The following CDH12 variants were observed in gnomAD, a reference collection of about 807,000 sequenced individuals.
The protein encoded by CDH12 is cadherin-12.
CDH12 carries 41 observed loss-of-function variants against 74.1 expected under a neutral mutation model. The ratio of observed to expected loss-of-function variants is 0.55; its 90% CI spans 0.43 to 0.72. CDH12 has a LOEUF of 0.72. Ranked by LOEUF, CDH12 falls within the 30% of genes least tolerant of loss-of-function variation. The pLI, the probability that CDH12 is intolerant of heterozygous loss-of-function variation, is 0.00. For synonymous variants in CDH12, 399 were observed against 355.0 expected (o/e 1.12, Z -1.39); for missense variants, 945 against 977.2 (o/e 0.97, Z 0.44).
At chr5:22,436,881 C>T (rs905230363) in intron 2 of CDH12, among the ~76,000 whole-genome samples, 1 of 151,938 alleles carries the variant, frequency 6.6e-6, no homozygotes, top group East Asian at 1.9e-4. Context: ...GAACAAAGAA[C>T]GTTGTTTCCT....
At chr5:22,690,991 A>G (rs1340993355) in intron 1 of CDH12, among the ~76,000 whole-genome samples, 2 of 152,134 alleles carry the variant, frequency 1.3e-5, no homozygotes, top group Admixed American at 6.5e-5. Context: ...CCATGCAATG[A>G]GTTTTATTTC....
intron 1 of CDH12, among the ~76,000 whole-genome samples, chr5:22,810,537 T>C (rs1749087085): frequency 6.6e-6 from 1 of 152,164 alleles, no homozygotes; most frequent in African/African-American, 2.4e-5. Context: ...GAGTTATTCT[T>C]AGCAGCATTT....
At chr5:22,328,075 C>A in intron 3 of CDH12, among the ~76,000 whole-genome samples, 1 of 152,122 alleles carries the variant, frequency 6.6e-6, no homozygotes, top group East Asian at 1.9e-4. Flanking sequence ...AAGGATTAGG[C>A]AGAAAAAAGA....
At chr5:22,526,511 C>A (rs1451492729) in intron 1 of CDH12, among the ~76,000 whole-genome samples, 1 of 152,120 alleles carries the variant, frequency 6.6e-6, no homozygotes, top group African/African-American at 2.4e-5. Context: ...AAGCCATTTG[C>A]CAGATCAATA....
At chr5:22,685,744 C>A (rs1741757817) in intron 1 of CDH12, among the ~76,000 whole-genome samples, 1 of 152,080 alleles carries the variant, frequency 6.6e-6, no homozygotes, top group African/African-American at 2.4e-5. Flanking sequence ...TTTTTTATTG[C>A]CAAATAACAT....
chr5:22,779,990 A>G (rs1049947014), intron 1 of CDH12, among the ~76,000 whole-genome samples: 1 of 152,224 alleles, frequency 6.6e-6, no homozygotes, highest in Non-Finnish European at 1.5e-5. Context: ...GTATAAGTTC[A>G]TCTTCTTTAT....
At position 21,917,676 on chromosome 5, in the gene CDH12, C is replaced by T. The variant is rs536513659; in HGVS notation, c.526+57415G>A. On this transcript the variant is annotated intron_variant, in intron 6 of 14. Coordinates refer to ENST00000382254, the MANE Select transcript of CDH12 (RefSeq NM_004061.5). ...AGAATAGGTAAAATAGAGTGCTGAA[C>T]GTCCTTTCAATGAAACGCTGAAGCA... is the stretch of plus-strand genomic sequence containing the variant. 3.3e-5 allele frequency among the ~76,000 whole-genome samples: 5 copies of T among 152,208 alleles called. No individual in the cohort carries two copies. The South Asian group carries it at 1.0e-3, about 32-fold the overall frequency.
intron 5 of CDH12, among the ~76,000 whole-genome samples, chr5:21,992,052 T>G (rs1457865020): frequency 6.6e-6 from 1 of 152,032 alleles, no homozygotes; most frequent in African/African-American, 2.4e-5. Flanking sequence ...TTACATCTTG[T>G]TTCTAAATAC....
At chr5:22,144,751 G>C (rs3020552) in intron 4 of CDH12, among the ~76,000 whole-genome samples, 1 of 151,740 alleles carries the variant, frequency 6.6e-6, no homozygotes, top group Non-Finnish European at 1.5e-5. Context: ...TTTTGAGCTT[G>C]TTACAAATTA....
intron 1 of CDH12, among the ~76,000 whole-genome samples, chr5:22,537,067 T>A (rs537374337): frequency 6.6e-6 from 1 of 152,224 alleles, no homozygotes; most frequent in Admixed American, 6.5e-5. Flanking sequence ...CCTTTTATTA[T>A]GACCTTGAGA....
At chr5:22,620,893 C>T (rs962207619) in intron 1 of CDH12, among the ~76,000 whole-genome samples, 43 of 152,078 alleles carry the variant, frequency 2.8e-4, no homozygotes, top group African/African-American at 2.4e-5. Context: ...GTTTTAGATG[C>T]GACAAATGAA....
intron 8 of CDH12, among the ~76,000 whole-genome samples, chr5:21,820,623 C>T (rs1251357283): frequency 6.6e-6 from 1 of 151,990 alleles, no homozygotes; most frequent in Non-Finnish European, 1.5e-5. Flanking sequence ...GTAATAAAGT[C>T]TGCAGAATAT....
intron 3 of CDH12, among the ~76,000 whole-genome samples, chr5:22,305,590 T>C (rs933568473): frequency 2.0e-5 from 3 of 152,080 alleles, no homozygotes; most frequent in African/African-American, 7.2e-5. Context: ...ATCTCCTCTA[T>C]GATCAGTCAC....
intron 5 of CDH12, among the ~76,000 whole-genome samples, chr5:22,039,252 A>G (rs1252792891): frequency 2.6e-5 from 4 of 151,814 alleles, no homozygotes; most frequent in Admixed American, 2.6e-4. Flanking sequence ...CTGGGCACAA[A>G]CCTCCAGAGT....
chr5:22,290,312 T>C (rs538045909), intron 3 of CDH12, among the ~76,000 whole-genome samples: 16 of 152,242 alleles, frequency 1.1e-4, no homozygotes, highest in Admixed American at 9.8e-4. Flanking sequence ...GATGGATTGA[T>C]TGACTTTCTC....
chr5:22,411,475 A>T (rs146344022), intron 2 of CDH12, among the ~76,000 whole-genome samples: 46 of 152,098 alleles, frequency 3.0e-4, no homozygotes, highest in African/African-American at 1.1e-3. Context: ...GGTAAACTTC[A>T]CCATGTGATT....
intron 1 of CDH12, among the ~76,000 whole-genome samples, chr5:22,715,102 G>C (rs1743506069): frequency 6.6e-6 from 1 of 152,124 alleles, no homozygotes; most frequent in Non-Finnish European, 1.5e-5. Flanking sequence ...TAGAGTGCCT[G>C]AATTCCTCTT....
intron 1 of CDH12, among the ~76,000 whole-genome samples, chr5:22,589,238 G>T (rs1011139944): frequency 6.6e-6 from 1 of 152,122 alleles, no homozygotes; most frequent in Non-Finnish European, 1.5e-5. Flanking sequence ...ACATGTAACT[G>T]CTGGCCCTTC....
At chr5:22,509,982 T>A (rs1736534767) in intron 1 of CDH12, among the ~76,000 whole-genome samples, 1 of 151,208 alleles carries the variant, frequency 6.6e-6, no homozygotes, top group Non-Finnish European at 1.5e-5. Flanking sequence ...TTTCACAACG[T>A]AAGACCCTAG....
Sources: allele counts gnomAD v4.1 joint callset (sites outside exome capture counted in the v4.1 genomes callset), GRCh38; gene constraint gnomAD v4.1.1; transcripts MANE v1.5; gene names NCBI Gene and HGNC (gene_info 2026-07-23, HGNC 2026-07-21).